The following GRM5 variants were observed in gnomAD, a reference collection of about 807,000 sequenced individuals.
GRM5 encodes metabotropic glutamate receptor 5.
In GRM5, 19 loss-of-function variants were observed where a neutral mutation model predicts 83.1. The ratio of observed to expected loss-of-function variants is 0.23; its 90% confidence interval spans 0.16 to 0.34. GRM5 has a LOEUF of 0.34. GRM5 is among the 10% of genes least tolerant of loss of function. The probability of loss-of-function intolerance (pLI) is 1.00; values close to 1 mark genes in which losing one functional copy is unlikely to be tolerated. For synonymous variants in GRM5, 675 were observed against 633.6 expected (o/e 1.07, Z -0.98); for missense variants, 1,160 against 1,588.3 (o/e 0.73, Z 4.58).
At chr11:88,861,734 C>T (rs1479356317) in intron 2 of GRM5, among the ~76,000 whole-genome samples, 1 of 152,124 alleles carries the variant, frequency 6.6e-6, no homozygotes, top group Non-Finnish European at 1.5e-5. Context: ...AAGCCTCAGC[C>T]TCCCAGAGTG....
rs536538523 is a variant in GRM5 at position 88,921,439 on chromosome 11, C to T, written c.662-71284G>A. ...GAGATTGAGACCATCCTGGCTAACA[C>T]GGTGAAACCCCGTCTCTAGTAAAAA... On this transcript the variant is annotated intron_variant, in intron 2 of 9. Coordinates refer to ENST00000305447, the MANE Select transcript of GRM5 (RefSeq NM_001143831.3). Among the ~76,000 whole-genome samples the T allele has an allele frequency of 2.0e-3, 299 of 152,066 alleles. 2 individuals carry two copies. The highest frequency in any genetic ancestry group is 2.4e-3 in the Non-Finnish European group (160 of 67,962).
At chr11:88,977,440 T>G (rs942300606) in intron 2 of GRM5, among the ~76,000 whole-genome samples, 2 of 152,088 alleles carry the variant, frequency 1.3e-5, no homozygotes, top group African/African-American at 4.8e-5. Context: ...CTCGATCTCC[T>G]GACCTTGTGA....
chr11:89,059,472 T>A (rs186431797), intron 1 of GRM5, among the ~76,000 whole-genome samples: 3 of 152,274 alleles, frequency 2.0e-5, no homozygotes, highest in African/African-American at 7.2e-5. Context: ...AAAATTGATA[T>A]ATGTTTGTAA....
chr11:88,567,531 C>G lies in GRM5; in HGVS notation c.2152G>C (p.Asp718His). 6 of 1,613,810 alleles carry G rather than the reference C, an allele frequency of 3.7e-6. No individual in the cohort carries two copies. Among genetic ancestry groups the G allele is most frequent in the Non-Finnish European group, 5.1e-6 (6 of 1,179,744 alleles). Residue 718 changes from aspartate (D) to histidine (H), a missense_variant, in exon 8 of 10, where the codon GAC (aspartate) becomes CAC (histidine). Asp to His is a moderately conservative substitution (Grantham distance 81). Coordinates refer to ENST00000305447, the MANE Select transcript of GRM5 (RefSeq NM_001143831.3). The surrounding 1 kb of genome is among the most constrained non-coding windows in gnomAD (Gnocchi z 7.3). ...ATGCTTGGGTAGTCATGCATTATGT[C>G]AGGAGGCTCCATTATAAAGAGGGCA... ...IVALFIMEPP[D>H]IMHDYPSIRE...
At chr11:88,602,735 T>A (rs1938034446) in intron 5 of GRM5, among the ~76,000 whole-genome samples, 1 of 152,240 alleles carries the variant, frequency 6.6e-6, no homozygotes, top group South Asian at 2.1e-4. Context: ...TTTACTAGAC[T>A]GTGTTTTTGG....
At chr11:88,901,846 A>C (rs576317371) in intron 2 of GRM5, among the ~76,000 whole-genome samples, 8 of 152,266 alleles carry the variant, frequency 5.3e-5, no homozygotes, top group African/African-American at 1.9e-4. Flanking sequence ...TTCCGAATGC[A>C]TCTCAAACTT....
chr11:88,568,255 T>TA (rs958383943), intron 7 of GRM5, among the ~76,000 whole-genome samples: 21 of 151,604 alleles, frequency 1.4e-4, no homozygotes, highest in South Asian at 2.1e-4. Context: ...CCTGCTCTCA[T>TA]AAAAAAAAAT....
chr11:88,973,799 CAA>C (rs763460935), intron 2 of GRM5, among the ~76,000 whole-genome samples: 6 of 151,994 alleles, frequency 3.9e-5, no homozygotes, highest in East Asian at 1.9e-4. Flanking sequence ...ATTTTTGAAA[CAA>C]GAGAAATGTT....
At chr11:88,897,604 C>G (rs534927845) in intron 2 of GRM5, among the ~76,000 whole-genome samples, 79 of 151,824 alleles carry the variant, frequency 5.2e-4, no homozygotes, top group African/African-American at 1.8e-3. Context: ...ACATTTTTTA[C>G]TGTCTTAGCT....
At chr11:88,667,016 A>T (rs1372735399) in intron 3 of GRM5, among the ~76,000 whole-genome samples, 1 of 152,236 alleles carries the variant, frequency 6.6e-6, no homozygotes, top group East Asian at 1.9e-4. Flanking sequence ...AAATATGAAT[A>T]ATATATTCAA....
chr11:88,918,142 T>C (rs1249571494), intron 2 of GRM5, among the ~76,000 whole-genome samples: 1 of 151,794 alleles, frequency 6.6e-6, no homozygotes, highest in African/African-American at 2.4e-5. Context: ...CTTAAAGTCT[T>C]GACCTTACAC....
chr11:88,713,156 C>T (rs1214705592), intron 3 of GRM5, among the ~76,000 whole-genome samples: 4 of 151,966 alleles, frequency 2.6e-5, no homozygotes, highest in Non-Finnish European at 4.4e-5. Context: ...TCACAGTGAA[C>T]ATTTAGTTTA....
intron 2 of GRM5, among the ~76,000 whole-genome samples, chr11:88,950,779 T>C (rs1314609616): frequency 1.3e-5 from 2 of 152,234 alleles, no homozygotes; most frequent in East Asian, 3.8e-4. Context: ...AGCTATTTTG[T>C]AGCAAAACCA....
intron 3 of GRM5, among the ~76,000 whole-genome samples, chr11:88,653,813 C>G (rs1939697768): frequency 6.6e-6 from 1 of 151,844 alleles, no homozygotes; most frequent in South Asian, 2.1e-4. Flanking sequence ...TTATAATGAT[C>G]ATAAAATAAG....
chr11:89,002,934 T>G (rs1000989060), intron 2 of GRM5, among the ~76,000 whole-genome samples: 1 of 152,160 alleles, frequency 6.6e-6, no homozygotes, highest in African/African-American at 2.4e-5. Flanking sequence ...CCTATCTTGC[T>G]CTAACACATT....
intron 3 of GRM5, among the ~76,000 whole-genome samples, chr11:88,814,993 A>G (rs1241224612): frequency 6.6e-6 from 1 of 152,184 alleles, no homozygotes; most frequent in Non-Finnish European, 1.5e-5. Flanking sequence ...CATAATTTAA[A>G]TGTCCCTCTC....
intron 3 of GRM5, among the ~76,000 whole-genome samples, chr11:88,687,579 A>ATATTATATATATATAATATATATATT (rs1250226972): frequency 2.1e-5 from 1 of 46,880 alleles, no homozygotes; most frequent in South Asian, 5.6e-4. Flanking sequence ...ATATATATAT[A>ATATTATATATATATAATATATATATT]ATATATATAT....
At chr11:88,912,383 C>A in intron 2 of GRM5, among the ~76,000 whole-genome samples, 1 of 151,402 alleles carries the variant, frequency 6.6e-6, no homozygotes, top group Non-Finnish European at 1.5e-5. Flanking sequence ...GACTAGAAAA[C>A]AAGGCTCTCA....
At chr11:88,848,440 G>A (rs984913899) in intron 3 of GRM5, among the ~76,000 whole-genome samples, 5 of 152,112 alleles carry the variant, frequency 3.3e-5, no homozygotes, top group African/African-American at 1.2e-4. Context: ...AATGAAGGAA[G>A]TACATTTCCC....
Sources: gnomAD v4.1 joint callset for allele counts (sites outside exome capture counted in the v4.1 genomes callset) on GRCh38, gnomAD v4.1.1 for gene constraint, Gnocchi (gnomAD v3.1) non-coding constraint, MANE v1.5 for transcripts, NCBI Gene and HGNC (gene_info 2026-07-23, HGNC 2026-07-21) for gene names.